CFDP1: variants seen among roughly 807,000 people sequenced by gnomAD.
CFDP1 encodes chromatin remodeling protein CFDP1.
A neutral mutation model predicts 40.1 loss-of-function variants in CFDP1; 31 were observed. The ratio of observed to expected loss-of-function variants is 0.77; its 90% CI spans 0.58 to 1.04. CFDP1 has a LOEUF of 1.04. CFDP1 is among the 50% of genes least tolerant of loss of function. The pLI is 0.00. For synonymous variants in CFDP1, 167 were observed against 120.0 expected, an observed-to-expected ratio of 1.39 and a Z score of -2.56; for missense variants, 423 against 343.4, an observed-to-expected ratio of 1.23 and a Z score of -1.83.
chr16:75,425,878 A>G (rs965316486), intron 1 of CFDP1, among the ~76,000 whole-genome samples: 11 of 150,868 alleles, frequency 7.3e-5, no homozygotes, highest in Non-Finnish European at 1.5e-4. Context: ...TCCACTAAAA[A>G]TACAAAAATT....
chr16:75,345,601 T>C (rs1247412427), intron 5 of CFDP1, among the ~76,000 whole-genome samples: 1 of 152,182 alleles, frequency 6.6e-6, no homozygotes, highest in Non-Finnish European at 1.5e-5. Flanking sequence ...ACTATAATCA[T>C]GTCACTGTTC....
chr16:75,386,780 G>T (rs1228231418), intron 5 of CFDP1, among the ~76,000 whole-genome samples: 1 of 152,136 alleles, frequency 6.6e-6, no homozygotes, highest in Non-Finnish European at 1.5e-5. Flanking sequence ...GCTCAGATTG[G>T]CAAGGACTTT....
At chr16:75,332,141 CTG>C (rs2078450407) in intron 5 of CFDP1, among the ~76,000 whole-genome samples, 1 of 152,084 alleles carries the variant, frequency 6.6e-6, no homozygotes, top group African/African-American at 2.4e-5. Context: ...ATTTAGAAAA[CTG>C]AGTTCAGACA....
intron 5 of CFDP1, among the ~76,000 whole-genome samples, chr16:75,387,758 A>T (rs1176664656): frequency 6.6e-6 from 1 of 152,194 alleles, no homozygotes; most frequent in Non-Finnish European, 1.5e-5. Context: ...CCCACATCAC[A>T]TCTTGTCCAC....
At chr16:75,302,076 G>A (rs898844638) in intron 6 of CFDP1, among the ~76,000 whole-genome samples, 6 of 152,126 alleles carry the variant, frequency 3.9e-5, no homozygotes, top group Non-Finnish European at 5.9e-5. Context: ...AAGCAAAGGA[G>A]GGAAAAGCAG....
intron 5 of CFDP1, among the ~76,000 whole-genome samples, chr16:75,387,294 C>T (rs2078906638): frequency 1.3e-5 from 2 of 152,188 alleles, no homozygotes; most frequent in Admixed American, 1.3e-4. Context: ...GCGCCCACCA[C>T]CACGCCCGGA....
chr16:75,432,396 T>TAA (rs2079432275), intron 1 of CFDP1, among the ~76,000 whole-genome samples: 1 of 102,198 alleles, frequency 9.8e-6, no homozygotes, highest in Admixed American at 1.1e-4. Context: ...AAAAAAAATT[T>TAA]AAAAAATTAG....
At chr16:75,307,361 G>A (rs1399347092) in intron 5 of CFDP1, among the ~76,000 whole-genome samples, 2 of 151,772 alleles carry the variant, frequency 1.3e-5, no homozygotes. Context: ...GATTACAGGC[G>A]CCTGCCACCA....
chr16:75,346,896 C>G (rs2078570377), intron 5 of CFDP1, among the ~76,000 whole-genome samples: 1 of 152,026 alleles, frequency 6.6e-6, no homozygotes, highest in Non-Finnish European at 1.5e-5. Context: ...AAAAATTCTG[C>G]TTAGCTTGGG....
intron 1 of CFDP1, among the ~76,000 whole-genome samples, chr16:75,432,883 C>T (rs886485231): frequency 2.0e-5 from 3 of 146,628 alleles, no homozygotes; most frequent in African/African-American, 7.8e-5. Flanking sequence ...GGAGAGCGGA[C>T]AGCTCTATCT....
intron 6 of CFDP1, among the ~76,000 whole-genome samples, chr16:75,297,166 C>CTGTGTGTGTG (rs71158597): frequency 7.0e-6 from 1 of 143,362 alleles, no homozygotes; most frequent in African/African-American, 2.6e-5. Context: ...GTGTGTGTGT[C>CTGTGTGTGTG]TGTGTGTGTG....
intron 5 of CFDP1, among the ~76,000 whole-genome samples, chr16:75,391,975 TAAAAAATA>T (rs1216377326): frequency 6.8e-6 from 1 of 148,044 alleles, no homozygotes; most frequent in East Asian, 2.0e-4. Flanking sequence ...CTCAAAAAAA[TAAAAAATA>T]AATAAATAAA....
intron 5 of CFDP1, among the ~76,000 whole-genome samples, chr16:75,354,601 T>C (rs1005280486): frequency 1.3e-5 from 2 of 152,184 alleles, no homozygotes; most frequent in African/African-American, 2.4e-5. Context: ...ATGCAAGATG[T>C]TGGGTAAAAG....
At chr16:75,304,731 G>C (rs1412575654) in intron 6 of CFDP1, among the ~76,000 whole-genome samples, 2 of 152,184 alleles carry the variant, frequency 1.3e-5, no homozygotes, top group African/African-American at 4.8e-5. Context: ...CCAACCACTA[G>C]GCAACTTACA....
chr16:75,393,453 C>T (rs1023770198), intron 5 of CFDP1, among the ~76,000 whole-genome samples: 20 of 152,094 alleles, frequency 1.3e-4, no homozygotes, highest in African/African-American at 4.6e-4. Context: ...CCTAAAAAAG[C>T]TCACACTTTT....
At chr16:75,407,654 C>CAAAAAAAAAAAAAAAA (rs11456525) in intron 4 of CFDP1, among the ~76,000 whole-genome samples, 2 of 116,794 alleles carry the variant, frequency 1.7e-5, no homozygotes, top group Non-Finnish European at 1.7e-5. Context: ...GACCCTGTCT[C>CAAAAAAAAAAAAAAAA]AAAAAAAAAA....
chr16:75,311,363 G>A (rs1029558756), intron 5 of CFDP1, among the ~76,000 whole-genome samples: 4 of 152,096 alleles, frequency 2.6e-5, no homozygotes, highest in Non-Finnish European at 4.4e-5. Context: ...GGCTGGTCTC[G>A]AACTCCTGGC....
At chr16:75,405,838 G>A (rs918345213) in intron 4 of CFDP1, among the ~76,000 whole-genome samples, 1 of 149,940 alleles carries the variant, frequency 6.7e-6, no homozygotes, top group African/African-American at 2.5e-5. Context: ...AGGACTGCCT[G>A]AGCCCAGGAG....
chr16:75,410,161 CATT>C (rs1206273900), intron 4 of CFDP1, among the ~76,000 whole-genome samples: 1 of 130,610 alleles, frequency 7.7e-6, no homozygotes, highest in Non-Finnish European at 1.6e-5. Flanking sequence ...TTGTTGAAAA[CATT>C]ATTTTTAAGA....
Sources: allele counts gnomAD v4.1 joint callset (sites outside exome capture counted in the v4.1 genomes callset), GRCh38; gene constraint gnomAD v4.1.1; transcripts MANE v1.5; gene names NCBI Gene and HGNC (gene_info 2026-07-23, HGNC 2026-07-21).